Variants in TMEM117 observed in about 807,000 individuals in gnomAD.
TMEM117 encodes transmembrane protein 117.
Under a neutral mutation model 52.4 loss-of-function variants are expected in TMEM117, and 27 were observed. That is an observed-to-expected ratio of 0.51 (90% CI 0.38 to 0.71). The LOEUF (loss-of-function observed/expected upper bound fraction) is 0.71. Among genes scored for constraint, TMEM117 ranks in the 30% least tolerant of loss-of-function variants. TMEM117 has a pLI of 0.00. For synonymous variants in TMEM117, 215 were observed against 206.3 expected, an observed-to-expected ratio of 1.04 and a Z score of -0.36; for missense variants, 556 against 630.5, an observed-to-expected ratio of 0.88 and a Z score of 1.26.
At chr12:43,988,751 T>C (rs1945888944) in intron 3 of TMEM117, among the ~76,000 whole-genome samples, 1 of 152,130 alleles carries the variant, frequency 6.6e-6, no homozygotes, top group South Asian at 2.1e-4. Flanking sequence ...ACCCCATAAA[T>C]TTATACAAAT....
chr12:43,946,973 G>A (rs2137623677), intron 3 of TMEM117, among the ~76,000 whole-genome samples: 1 of 152,272 alleles, frequency 6.6e-6, no homozygotes. Flanking sequence ...TTACTGAGAG[G>A]ATATATTAAA....
chr12:43,946,596 C>T (rs1314638595), intron 3 of TMEM117, among the ~76,000 whole-genome samples: 3 of 151,980 alleles, frequency 2.0e-5, no homozygotes, highest in South Asian at 4.1e-4. Flanking sequence ...AATTAAATCT[C>T]GCAGTGACTC....
chr12:44,014,527 A>G (rs757594718), intron 3 of TMEM117, among the ~76,000 whole-genome samples: 2 of 152,188 alleles, frequency 1.3e-5, no homozygotes, highest in African/African-American at 2.4e-5. Flanking sequence ...CTGGGATAAC[A>G]CTTTGAAAAC....
At chr12:43,805,892 G>T in the TMEM117 span, 1 of 1,465,344 alleles carries the variant, frequency 6.8e-7, no homozygotes, top group African/African-American at 1.4e-5. Flanking sequence ...TTCCCTACGT[G>T]ACCAAAAGGG....
At chr12:43,800,392 C>T in the TMEM117 span, 3 of 1,466,054 alleles carry the variant, frequency 2.0e-6, no homozygotes, top group Admixed American at 5.5e-5. Flanking sequence ...CCTCTTTAAT[C>T]ATTTTAATTG....
At chr12:43,994,196 C>T (rs752427225) in intron 3 of TMEM117, among the ~76,000 whole-genome samples, 6 of 152,096 alleles carry the variant, frequency 3.9e-5, no homozygotes, top group South Asian at 4.1e-4. Context: ...AAGGGACCAT[C>T]GTATTAAAAG....
At chr12:44,362,577 A>G (rs1164836548) in intron 6 of TMEM117, among the ~76,000 whole-genome samples, 1 of 151,348 alleles carries the variant, frequency 6.6e-6, no homozygotes, top group East Asian at 1.9e-4. Context: ...AGACAAAATA[A>G]TTAAAAAAAA....
At chr12:44,317,483 C>A (rs1951071803) in intron 6 of TMEM117, among the ~76,000 whole-genome samples, 1 of 151,968 alleles carries the variant, frequency 6.6e-6, no homozygotes, top group Non-Finnish European at 1.5e-5. Flanking sequence ...AAACCTCTGC[C>A]TCCAGGGTTC....
At chr12:44,289,225 T>TTGTGTGTG (rs59507806) in intron 5 of TMEM117, among the ~76,000 whole-genome samples, 36 of 146,090 alleles carry the variant, frequency 2.5e-4, no homozygotes, top group East Asian at 1.4e-3. Flanking sequence ...CTATCCCATT[T>TTGTGTGTG]TGTGTGTGTG....
the TMEM117 span, among the ~76,000 whole-genome samples, chr12:43,801,478 A>C: frequency 2.6e-5 from 4 of 152,166 alleles, no homozygotes; most frequent in African/African-American, 9.6e-5. Flanking sequence ...AAAAATTCAA[A>C]TTAATTTTTT....
At chr12:43,822,454 T>C in the TMEM117 span, among the ~76,000 whole-genome samples, 1 of 151,966 alleles carries the variant, frequency 6.6e-6, no homozygotes, top group East Asian at 1.9e-4. Flanking sequence ...GGCCATAGCC[T>C]AGTATTTATC....
chr12:44,088,827 T>C (rs999772146), intron 3 of TMEM117, among the ~76,000 whole-genome samples: 3 of 152,208 alleles, frequency 2.0e-5, no homozygotes, highest in Admixed American at 1.3e-4. Context: ...ACTTGCCAAA[T>C]CTTTCCTGGG....
Position 44,009,336 on chromosome 12 carries a change from A to G in TMEM117, c.410+64994A>G. The G allele has an allele frequency of 1.3e-5, 3 of 225,124 alleles. 1 individual carries two copies. Among genetic ancestry groups the G allele is most frequent in the South Asian group, 1.3e-4 (2 of 15,246 alleles). 13.9% of individuals were successfully genotyped at this position (225,124 alleles called of 1,614,324 possible). On this transcript the variant is annotated intron_variant, in intron 3 of 7. Coordinates refer to ENST00000266534, the MANE Select transcript of TMEM117 (RefSeq NM_032256.3). ...TTAGCTTTAACCCTAGAGAGATGAC[A>G]GCTTCACAGATACTCTGCATTACAA...
rs1361210425 is a variant in TMEM117 at position 44,092,032 on chromosome 12, CCATGTGACACAAGAAG to C, written c.411-51492_411-51477del. ...GAGGGGGGAAAAAAGTATAGCCATC[CCATGTGACACAAGAAG>C]ATACTCAGCTCAGATGCCTCATCTT... On this transcript the variant is annotated intron_variant, in intron 3 of 7. Coordinates refer to ENST00000266534, the MANE Select transcript of TMEM117 (RefSeq NM_032256.3). 2.6e-5 allele frequency among the ~76,000 whole-genome samples: 4 copies of C among 152,196 alleles called. No individual in the cohort carries two copies. The South Asian group carries it at 6.2e-4, about 24-fold the overall frequency.
At chr12:43,820,043 A>G in the TMEM117 span, among the ~76,000 whole-genome samples, 1 of 152,226 alleles carries the variant, frequency 6.6e-6, no homozygotes, top group Non-Finnish European at 1.5e-5. Context: ...TATCCATTGC[A>G]TGTGCTTTCA....
At chr12:44,097,889 A>G (rs1223782747) in intron 3 of TMEM117, among the ~76,000 whole-genome samples, 4 of 151,944 alleles carry the variant, frequency 2.6e-5, no homozygotes, top group African/African-American at 9.7e-5. Context: ...ATAAAAATAC[A>G]GTAATCTGGA....
chr12:44,192,928 A>C (rs1310445286), intron 4 of TMEM117, among the ~76,000 whole-genome samples: 1 of 152,232 alleles, frequency 6.6e-6, no homozygotes, highest in Non-Finnish European at 1.5e-5. Flanking sequence ...TAAAAGGTAC[A>C]AAGTGAAAAC....
intron 6 of TMEM117, among the ~76,000 whole-genome samples, chr12:44,315,653 T>G (rs1318919686): frequency 1.3e-5 from 2 of 152,164 alleles, no homozygotes; most frequent in Non-Finnish European, 2.9e-5. Context: ...CTGTTGAGAC[T>G]TGCTTTATGG....
At chr12:43,896,076 C>T (rs778261941) in intron 2 of TMEM117, among the ~76,000 whole-genome samples, 5 of 152,188 alleles carry the variant, frequency 3.3e-5, no homozygotes, top group Admixed American at 6.5e-5. Context: ...TTTGGCAGCA[C>T]CCTTAAAGAC....
Sources: gnomAD v4.1 joint callset for allele counts (sites outside exome capture counted in the v4.1 genomes callset) on GRCh38, gnomAD v4.1.1 for gene constraint, MANE v1.5 for transcripts, NCBI Gene and HGNC (gene_info 2026-07-23, HGNC 2026-07-21) for gene names.